ZNF678: variants seen among roughly 807,000 people sequenced by gnomAD.
ZNF678 encodes zinc finger protein 678.
A neutral mutation model predicts 3.0 loss-of-function variants in ZNF678; 5 were observed. The observed-to-expected ratio is 1.69, with a 90% CI of 0.88 to 3.56. The LOEUF (loss-of-function observed/expected upper bound fraction) is 3.56. Among genes scored for constraint, ZNF678 ranks in the 30% most tolerant of loss-of-function variants. The pLI is 0.00. For synonymous variants in ZNF678, 218 were observed against 199.6 expected (o/e 1.09, Z -0.78); for missense variants, 593 against 605.0 (o/e 0.98, Z 0.21).
intron 1 of ZNF678, among the ~76,000 whole-genome samples, chr1:227,591,997 C>A (rs1657427340): frequency 6.6e-6 from 1 of 152,140 alleles, no homozygotes; most frequent in Admixed American, 6.5e-5. Context: ...TCTTCAGAGT[C>A]ACTTTGCAGG....
chr1:227,584,714 C>T (rs1657214408), intron 1 of ZNF678, among the ~76,000 whole-genome samples: 1 of 152,086 alleles, frequency 6.6e-6, no homozygotes, highest in African/African-American at 2.4e-5. Context: ...AACTTATAGG[C>T]AAGGAGCAGG....
At chr1:227,565,763 TTTTA>T (rs1229573327) in intron 1 of ZNF678, among the ~76,000 whole-genome samples, 1 of 151,984 alleles carries the variant, frequency 6.6e-6, no homozygotes, top group Non-Finnish European at 1.5e-5. Context: ...TCTTTTTTAT[TTTTA>T]TTTATTTTTT....
chr1:227,564,780 G>A (rs1170145891), intron 1 of ZNF678, among the ~76,000 whole-genome samples: 2 of 152,224 alleles, frequency 1.3e-5, no homozygotes, highest in South Asian at 2.1e-4. Context: ...AGCCCAGGCT[G>A]TAGTGCAGTG....
downstream of ZNF678, among the ~76,000 whole-genome samples, chr1:227,665,526 G>T (rs1479910348): frequency 6.6e-6 from 1 of 152,184 alleles, no homozygotes; most frequent in Non-Finnish European, 1.5e-5. Context: ...CAGGTTGTAG[G>T]CCGGAGGCTT....
intron 1 of ZNF678, among the ~76,000 whole-genome samples, chr1:227,626,480 C>T (rs1320656104): frequency 3.3e-5 from 5 of 152,168 alleles, no homozygotes; most frequent in Non-Finnish European, 5.9e-5. Flanking sequence ...TTTCCCTCCT[C>T]TCAGGGACAG....
At position 227,655,369 on chromosome 1, in the gene ZNF678, A is replaced by T. The variant is rs755817501; in HGVS notation, c.1119A>T (p.Gly373=). Residue 373 remains glycine (G), a synonymous_variant, in exon 4 of 4, where the codon GGA becomes GGT. Coordinates refer to ENST00000343776, the MANE Select transcript of ZNF678 (RefSeq NM_001367909.1). ...CTCAGCATAAAAGAATTCATACTGG[A>T]GAGAAACCCTACAAATGCAAAGAAT... ...NLTQHKRIHT[G]EKPYKCKECG... The T allele has an allele frequency of 2.5e-5, 41 of 1,612,592 alleles. No homozygotes were observed. In the African/African-American group the frequency reaches 5.1e-4, roughly 20 times the overall value.
downstream of ZNF678, among the ~76,000 whole-genome samples, chr1:227,666,617 C>T (rs1053787779): frequency 6.6e-6 from 1 of 152,122 alleles, no homozygotes; most frequent in Non-Finnish European, 1.5e-5. Flanking sequence ...GCAGCTTCTC[C>T]TTGAGTAGGC....
intron 1 of ZNF678, among the ~76,000 whole-genome samples, chr1:227,640,799 G>A (rs1658801190): frequency 6.6e-6 from 1 of 152,092 alleles, no homozygotes; most frequent in Non-Finnish European, 1.5e-5. Context: ...GGAGGACCGG[G>A]AGTTTCCCAT....
intron 2 of ZNF678, among the ~76,000 whole-genome samples, chr1:227,647,976 A>G (rs1211496472): frequency 6.6e-6 from 1 of 152,214 alleles, no homozygotes; most frequent in African/African-American, 2.4e-5. Flanking sequence ...TTTCTATCCT[A>G]TGGAGGTTTC....
In ZNF678 at chr1:227,662,038, A is replaced by C. The variant is rs1279815391; in HGVS notation, c.*6210A>C. 1 of 152,240 alleles carries C rather than the reference A, an allele frequency of 6.6e-6. No individual in the cohort carries two copies. Among genetic ancestry groups the C allele is most frequent in the Non-Finnish European group, 1.5e-5 (1 of 68,056 alleles). The allele number at this position is 152,240 out of a possible 1,614,324, so 9.4% of individuals were successfully genotyped here. On this transcript the variant is annotated 3_prime_UTR_variant, in exon 4 of 4. Transcript: ENST00000343776. ...CCAGGAAATTCCAATACATCAGTGC[A>C]TGTGGAGGACATGAGTATTTAAGGA...
At position 227,650,967 on chromosome 1, in the gene ZNF678, CTA is replaced by C; in HGVS notation, c.-23_-22del. 1 of 1,609,338 alleles carries C rather than the reference CTA, an allele frequency of 6.2e-7. No homozygotes were observed. On this transcript the variant is annotated 5_prime_UTR_variant, in exon 3 of 4. The change abolishes an upstream ATG in the 5' untranslated region. Coordinates refer to ENST00000343776, the MANE Select transcript of ZNF678 (RefSeq NM_001367909.1). Reference sequence around the variant, plus strand: ...ATTGTTCTGTCTAGGACTTCCAGGACTATGTTAAAATAGAAGCATTGATAATG... The same window carrying C: ...ATTGTTCTGTCTAGGACTTCCAGGACTGTTAAAATAGAAGCATTGATAATG...
At chr1:227,643,749 A>C (rs151263747) in intron 1 of ZNF678, among the ~76,000 whole-genome samples, 68 of 152,256 alleles carry the variant, frequency 4.5e-4, no homozygotes, top group African/African-American at 1.6e-3. Context: ...ATAAAACAGT[A>C]AATATAAATA....
chr1:227,648,767 C>T (rs1470411840), intron 2 of ZNF678, among the ~76,000 whole-genome samples: 1 of 152,072 alleles, frequency 6.6e-6, no homozygotes, highest in Non-Finnish European at 1.5e-5. Context: ...CTGCAGCAAG[C>T]AGCCACTGCA....
At chr1:227,582,093 T>C (rs1657143534) in intron 1 of ZNF678, among the ~76,000 whole-genome samples, 4 of 152,186 alleles carry the variant, frequency 2.6e-5, no homozygotes, top group Admixed American at 2.6e-4. Flanking sequence ...CATTGTTATA[T>C]TGCATTGTCT....
At chr1:227,669,296 A>C (rs1002183136) in intron 5 of ZNF678, among the ~76,000 whole-genome samples, 2 of 152,194 alleles carry the variant, frequency 1.3e-5, no homozygotes, top group Admixed American at 6.5e-5. Flanking sequence ...CAAGTGGCCA[A>C]TGAACATATC....
intron 1 of ZNF678, among the ~76,000 whole-genome samples, chr1:227,602,798 T>A (rs1657768029): frequency 6.6e-6 from 1 of 152,252 alleles, no homozygotes; most frequent in South Asian, 2.1e-4. Flanking sequence ...AAATGAAGTT[T>A]GCATATGGCT....
intron 1 of ZNF678, among the ~76,000 whole-genome samples, chr1:227,597,226 T>C (rs1235133944): frequency 6.6e-6 from 1 of 152,196 alleles, no homozygotes; most frequent in Non-Finnish European, 1.5e-5. Flanking sequence ...AGCATGTCCT[T>C]AAGGCACAGA....
At chr1:227,648,797 A>C (rs1182820808) in intron 2 of ZNF678, among the ~76,000 whole-genome samples, 1 of 151,878 alleles carries the variant, frequency 6.6e-6, no homozygotes, top group East Asian at 1.9e-4. Flanking sequence ...CTGCCATTGC[A>C]CTCCATCCTG....
chr1:227,587,243 C>G (rs962144066), intron 1 of ZNF678, among the ~76,000 whole-genome samples: 1 of 123,728 alleles, frequency 8.1e-6, no homozygotes, highest in Non-Finnish European at 1.6e-5. Context: ...CTAGAGAGAG[C>G]ATGTTAGATT....
Sources: allele counts gnomAD v4.1 joint callset (sites outside exome capture counted in the v4.1 genomes callset), GRCh38; gene constraint gnomAD v4.1.1; transcripts MANE v1.5; gene names NCBI Gene and HGNC (gene_info 2026-07-23, HGNC 2026-07-21).